CNTN4: variants seen among roughly 807,000 people sequenced by gnomAD.
The protein encoded by CNTN4 is contactin-4.
In CNTN4, 77 loss-of-function variants were observed where a neutral mutation model predicts 122.5. The observed-to-expected ratio is 0.63, with a 90% confidence interval of 0.52 to 0.76. The LOEUF (loss-of-function observed/expected upper bound fraction) is 0.76. Ranked by LOEUF, CNTN4 falls within the 30% of genes least tolerant of loss-of-function variation. The pLI is 0.00. For synonymous variants in CNTN4, 512 were observed against 447.0 expected, an observed-to-expected ratio of 1.15 and a Z score of -1.83; for missense variants, 1,256 against 1,259.1, an observed-to-expected ratio of 1.00 and a Z score of 0.04.
At chr3:2,428,527 T>C (rs935420058) in intron 3 of CNTN4, among the ~76,000 whole-genome samples, 23 of 152,324 alleles carry the variant, frequency 1.5e-4, no homozygotes, top group African/African-American at 4.8e-4. Flanking sequence ...ATTTCAACTT[T>C]GGTGAATCTG....
chr3:2,920,500 G>A lies in CNTN4; in HGVS notation c.1208-5129G>A, dbSNP rs577421004. Among the ~76,000 whole-genome samples, 27 of 151,822 alleles carry A rather than the reference G, an allele frequency of 1.8e-4. No homozygotes were observed. In the South Asian group the frequency reaches 2.1e-3, roughly 12 times the overall value. ...ATAAGATGTAACCATTGGGGGAGAC[G>A]GGGTGAAGGATGCACAGGACCTTTC... On this transcript the variant is annotated intron_variant, in intron 12 of 24. Transcript: ENST00000418658.
chr3:2,675,783 C>G (rs964492161), intron 4 of CNTN4, among the ~76,000 whole-genome samples: 5 of 152,184 alleles, frequency 3.3e-5, no homozygotes, highest in African/African-American at 1.2e-4. Flanking sequence ...CGCTGCTCTT[C>G]CTACTGTTAC....
intron 2 of CNTN4, among the ~76,000 whole-genome samples, chr3:2,322,383 C>G (rs562476138): frequency 6.6e-6 from 1 of 152,220 alleles, no homozygotes; most frequent in African/African-American, 2.4e-5. Flanking sequence ...AATTCTGATA[C>G]TTGCTACAAC....
At chr3:2,912,264 A>G (rs1435904477) in intron 12 of CNTN4, among the ~76,000 whole-genome samples, 1 of 152,212 alleles carries the variant, frequency 6.6e-6, no homozygotes, top group Admixed American at 6.5e-5. Context: ...ACTGCATGCT[A>G]GAAGGGAGAG....
At chr3:2,436,512 T>TAA (rs2048262966) in intron 3 of CNTN4, among the ~76,000 whole-genome samples, 1 of 152,134 alleles carries the variant, frequency 6.6e-6, no homozygotes, top group Admixed American at 6.6e-5. Flanking sequence ...AGGTGTTTTT[T>TAA]AAGCTTTTAA....
intron 2 of CNTN4, among the ~76,000 whole-genome samples, chr3:2,151,523 G>A (rs1250582573): frequency 6.6e-6 from 1 of 152,298 alleles, no homozygotes; most frequent in South Asian, 2.1e-4. Flanking sequence ...AGGTGCTTGG[G>A]ATACGTCAGC....
At chr3:2,558,932 A>C (rs1009174590) in intron 3 of CNTN4, among the ~76,000 whole-genome samples, 1 of 152,192 alleles carries the variant, frequency 6.6e-6, no homozygotes, top group African/African-American at 2.4e-5. Context: ...CTCATTTCAC[A>C]CCCAGAACTA....
At position 2,764,116 on chromosome 3, in the gene CNTN4, G is replaced by A. The variant is rs567629600; in HGVS notation, c.358+18419G>A. On this transcript the variant is annotated intron_variant, in intron 6 of 24. Transcript: ENST00000418658. The stretch of plus-strand genomic sequence containing the variant: ...TTCATCCATTCAGATATTTTTCTGA[G>A]TGCCTACTCTGTGCTGGGCAGATAA... 1.3e-3 allele frequency among the ~76,000 whole-genome samples: 205 copies of A among 152,268 alleles called. 1 individual carries two copies. The highest frequency in any genetic ancestry group is 4.5e-3 in the African/African-American group (187 of 41,554).
chr3:2,708,508 C>G (rs1192268218), intron 4 of CNTN4, among the ~76,000 whole-genome samples: 1 of 152,180 alleles, frequency 6.6e-6, no homozygotes, highest in Non-Finnish European at 1.5e-5. Context: ...TGTGCGGAAG[C>G]TCTGGGAGAT....
intron 3 of CNTN4, among the ~76,000 whole-genome samples, chr3:2,554,841 C>T (rs1267143626): frequency 6.6e-6 from 1 of 152,140 alleles, no homozygotes; most frequent in African/African-American, 2.4e-5. Context: ...CTAAACATGA[C>T]AGGGGCCCCA....
rs1392656721 is a variant in CNTN4, at chr3:2,466,970, C to CTTTCTTTTT, written c.-88-104443_-88-104442insCTTTTTTTT. Among the ~76,000 whole-genome samples, 334 of 115,690 alleles carry CTTTCTTTTT rather than the reference C, an allele frequency of 2.9e-3. 4 individuals are homozygous for CTTTCTTTTT. Among genetic ancestry groups the CTTTCTTTTT allele is most frequent in the African/African-American group, 0.011 (320 of 29,570 alleles). 75.9% of individuals were successfully genotyped at this position (115,690 alleles called of 152,430 possible). A position where few individuals can be genotyped will look rare whatever the true frequency, so the allele number is the denominator to read the frequency against. ...TTTTTCTTTCTTTCTTTCTTTCTTTCTTTTTTTTTTTTTTTTTGCATTTCC... is the reference window on the plus strand; with the variant it reads ...TTTTTCTTTCTTTCTTTCTTTCTTTCTTTCTTTTTTTTTTTTTTTTTTTTTTGCATTTCC... On this transcript the variant is annotated intron_variant, in intron 3 of 24. Transcript: ENST00000418658.
At chr3:2,160,423 T>C (rs1048509412) in intron 2 of CNTN4, among the ~76,000 whole-genome samples, 1 of 152,196 alleles carries the variant, frequency 6.6e-6, no homozygotes, top group Non-Finnish European at 1.5e-5. Context: ...GGCCTTATAT[T>C]AGTTATCTTG....
chr3:2,116,699 T>C (rs1166212828), intron 2 of CNTN4, among the ~76,000 whole-genome samples: 1 of 152,136 alleles, frequency 6.6e-6, no homozygotes, highest in Non-Finnish European at 1.5e-5. Context: ...TTTCAGAATC[T>C]TTATGTGCAT....
At chr3:2,662,364 A>T (rs1168149303) in intron 4 of CNTN4, among the ~76,000 whole-genome samples, 1 of 152,234 alleles carries the variant, frequency 6.6e-6, no homozygotes, top group East Asian at 1.9e-4. Flanking sequence ...TCATACAGTC[A>T]TTCAGGGATG....
chr3:2,720,784 C>G (rs531438259), intron 4 of CNTN4, among the ~76,000 whole-genome samples: 3 of 152,264 alleles, frequency 2.0e-5, no homozygotes, highest in East Asian at 1.9e-4. Flanking sequence ...AGAAACTAAT[C>G]TCAGCACTTT....
At position 2,729,373 on chromosome 3, in the gene CNTN4, G is replaced by A. The variant is rs576392585; in HGVS notation, c.56-6842G>A. Reference sequence around the variant, plus strand: ...AGGTCAGGAGATTGAGACCATCCCGGCTAACACAAAATTAACAAAAAATTA... The same window carrying A: ...AGGTCAGGAGATTGAGACCATCCCGACTAACACAAAATTAACAAAAAATTA... On this transcript the variant is annotated intron_variant, in intron 4 of 24. Transcript: ENST00000418658. 9.9e-4 allele frequency among the ~76,000 whole-genome samples: 145 copies of A among 146,674 alleles called. 1 individual carries two copies. Among genetic ancestry groups the A allele is most frequent in the African/African-American group, 3.0e-3 (117 of 38,476 alleles).
chr3:2,252,689 T>C (rs1012973060), intron 2 of CNTN4, among the ~76,000 whole-genome samples: 2 of 152,094 alleles, frequency 1.3e-5, no homozygotes, highest in African/African-American at 2.4e-5. Context: ...ACTCACACAC[T>C]AAGAAAGGTG....
chr3:2,448,288 G>T (rs548322245), intron 3 of CNTN4, among the ~76,000 whole-genome samples: 1 of 152,152 alleles, frequency 6.6e-6, no homozygotes, highest in Non-Finnish European at 1.5e-5. Flanking sequence ...GAATCTGGGT[G>T]ATCTGTGATT....
intron 13 of CNTN4, among the ~76,000 whole-genome samples, chr3:2,961,092 T>C (rs1272354183): frequency 2.8e-5 from 4 of 142,486 alleles, no homozygotes; most frequent in Non-Finnish European, 4.6e-5. Context: ...TAGCCGGGCG[T>C]GGTGATGGGC....
Sources: allele counts gnomAD v4.1 joint callset (sites outside exome capture counted in the v4.1 genomes callset), GRCh38; gene constraint gnomAD v4.1.1; transcripts MANE v1.5; gene names NCBI Gene and HGNC (gene_info 2026-07-23, HGNC 2026-07-21).